The following TTC28 variants were observed in gnomAD, a reference collection of about 807,000 sequenced individuals.
The protein encoded by TTC28 is tetratricopeptide repeat protein 28.
In TTC28, 61 loss-of-function variants were observed where a neutral mutation model predicts 198.0. That is an observed-to-expected ratio of 0.31 (90% CI 0.25 to 0.38). TTC28 has a LOEUF of 0.38. TTC28 is among the 10% of genes least tolerant of loss of function. The pLI is 1.00. For missense variants in TTC28, 2,678 were observed against 3,164.0 expected (o/e 0.85, Z 3.69); for synonymous variants, 1,171 against 1,297.8 (o/e 0.90, Z 2.10).
chr22:28,357,023 C>A (rs531778485), intron 2 of TTC28, among the ~76,000 whole-genome samples: 1 of 152,248 alleles, frequency 6.6e-6, no homozygotes, highest in Non-Finnish European at 1.5e-5. Flanking sequence ...ACATCATAGT[C>A]CACAGAATAA....
At chr22:28,277,818 A>T (rs1047316204) in intron 5 of TTC28, among the ~76,000 whole-genome samples, 2 of 152,100 alleles carry the variant, frequency 1.3e-5, no homozygotes, top group African/African-American at 2.4e-5. Flanking sequence ...AGTTTCTCCA[A>T]TCTGGCCCCG....
intron 5 of TTC28, among the ~76,000 whole-genome samples, chr22:28,188,357 T>G (rs1186032481): frequency 1.3e-5 from 2 of 152,058 alleles, no homozygotes; most frequent in African/African-American, 4.8e-5. Flanking sequence ...CCAAACTGCC[T>G]GCAAGGAAAG....
intron 2 of TTC28, among the ~76,000 whole-genome samples, chr22:28,364,126 G>C (rs184211374): frequency 3.9e-5 from 6 of 152,276 alleles, no homozygotes; most frequent in Non-Finnish European, 7.4e-5. Context: ...ATCTCATCTT[G>C]AATTCCCATG....
intron 2 of TTC28, among the ~76,000 whole-genome samples, chr22:28,464,437 G>A (rs1425736303): frequency 6.6e-6 from 1 of 152,174 alleles, no homozygotes; most frequent in Non-Finnish European, 1.5e-5. Flanking sequence ...TAAGACTAGT[G>A]AGGAAGCATA....
chr22:28,576,640 T>C (rs1054361809), intron 2 of TTC28, among the ~76,000 whole-genome samples: 1 of 152,176 alleles, frequency 6.6e-6, no homozygotes, highest in Non-Finnish European at 1.5e-5. Flanking sequence ...GGGAGACTTT[T>C]TATTACAGCT....
Position 28,465,348 on chromosome 22 carries a change from G to A in TTC28, c.382-158705C>T, listed in dbSNP as rs139762157. 6.4e-3 allele frequency among the ~76,000 whole-genome samples: 976 copies of A among 151,826 alleles called. 15 individuals carry two copies. Among genetic ancestry groups the A allele is most frequent in the African/African-American group, 0.022 (914 of 41,424 alleles). ...ACAAAATTATGCCTTATCCTGGGCC[G>A]GGCACCGTGGCTCACTCCTGTAATC... On this transcript the variant is annotated intron_variant, in intron 2 of 22. Transcript: ENST00000397906.
At chr22:28,090,036 G>A (rs1475569620) in intron 12 of TTC28, among the ~76,000 whole-genome samples, 4 of 151,678 alleles carry the variant, frequency 2.6e-5, no homozygotes, top group Admixed American at 6.6e-5. Flanking sequence ...AATGGGTGCA[G>A]CACACCAACA....
At chr22:28,321,372 TTC>T (rs1236335974) in intron 2 of TTC28, among the ~76,000 whole-genome samples, 4 of 152,238 alleles carry the variant, frequency 2.6e-5, no homozygotes, top group South Asian at 2.1e-4. Context: ...TTCATAAATT[TTC>T]TGTGTCATTT....
chr22:27,985,204 C>A, intron 22 of TTC28, 45 bp downstream of exon 22: 1 of 1,417,260 alleles, frequency 7.1e-7, no homozygotes, highest in Non-Finnish European at 9.7e-7. Flanking sequence ...CCAGGGAGAG[C>A]ATGGCAGGCC....
At chr22:28,085,117 T>C (rs1941528043) in intron 12 of TTC28, among the ~76,000 whole-genome samples, 1 of 151,936 alleles carries the variant, frequency 6.6e-6, no homozygotes, top group African/African-American at 2.4e-5. Context: ...ACTTCCCCAA[T>C]CTAGCAAGGC....
intron 5 of TTC28, among the ~76,000 whole-genome samples, chr22:28,269,687 AG>A (rs1931924206): frequency 6.6e-6 from 1 of 152,222 alleles, no homozygotes; most frequent in Admixed American, 6.5e-5. Context: ...GTAGTTTGCA[AG>A]GATGGTTTAT....
At chr22:28,427,114 G>A (rs1296114804) in intron 2 of TTC28, among the ~76,000 whole-genome samples, 1 of 152,158 alleles carries the variant, frequency 6.6e-6, no homozygotes, top group African/African-American at 2.4e-5. Flanking sequence ...AATTAAATGT[G>A]AGAAAAATAC....
intron 2 of TTC28, among the ~76,000 whole-genome samples, chr22:28,613,982 T>G (rs1031571396): frequency 6.6e-6 from 1 of 152,142 alleles, no homozygotes; most frequent in Non-Finnish European, 1.5e-5. Context: ...AGCATTCAAA[T>G]AGGAAAAGAG....
chr22:27,992,485 G>A, intron 19 of TTC28, 102 bp downstream of exon 19: 1 of 1,183,692 alleles, frequency 8.4e-7, no homozygotes, highest in Non-Finnish European at 1.2e-6. Context: ...AAGGCGGTGA[G>A]ACTGCATTCA....
intron 2 of TTC28, among the ~76,000 whole-genome samples, chr22:28,316,190 TGGGCATGTCTTAGGCAA>T (rs988785346): frequency 1.3e-5 from 2 of 152,192 alleles, no homozygotes; most frequent in Non-Finnish European, 2.9e-5. Context: ...TGTGTGGCTA[TGGGCATGTCTTAGGCAA>T]GCCCGACTGT....
chr22:28,527,550 G>T (rs1217481867), intron 2 of TTC28, among the ~76,000 whole-genome samples: 2 of 152,110 alleles, frequency 1.3e-5, no homozygotes, highest in African/African-American at 4.8e-5. Context: ...AGACATTGGG[G>T]AAGGGGCACT....
intron 6 of TTC28, among the ~76,000 whole-genome samples, chr22:28,137,809 G>A (rs2146979480): frequency 6.6e-6 from 1 of 152,274 alleles, no homozygotes; most frequent in South Asian, 2.1e-4. Flanking sequence ...GAGCTCAGGA[G>A]TTCAAGACCA....
chr22:28,656,077 AC>A (rs1486917153), intron 1 of TTC28, among the ~76,000 whole-genome samples: 2 of 152,224 alleles, frequency 1.3e-5, no homozygotes, highest in African/African-American at 4.8e-5. Flanking sequence ...CAAAGATAAC[AC>A]AGATAGCAAC....
intron 2 of TTC28, among the ~76,000 whole-genome samples, chr22:28,336,271 G>C (rs1372981761): frequency 6.6e-6 from 1 of 152,142 alleles, no homozygotes; most frequent in Non-Finnish European, 1.5e-5. Context: ...TTGCATCAAT[G>C]TTCATCAGGG....
Sources: allele counts gnomAD v4.1 joint callset (sites outside exome capture counted in the v4.1 genomes callset), GRCh38; gene constraint gnomAD v4.1.1; transcripts MANE v1.5; gene names NCBI Gene and HGNC (gene_info 2026-07-23, HGNC 2026-07-21).